LHFPL2: variants seen among roughly 807,000 people sequenced by gnomAD.
LHFPL2 encodes the protein LHFPL tetraspan subfamily member 2 protein.
In LHFPL2, 7 loss-of-function variants were observed where a neutral mutation model predicts 17.5. That is an observed-to-expected ratio of 0.40 (90% CI 0.23 to 0.75). The LOEUF (loss-of-function observed/expected upper bound fraction) is 0.75. Among genes scored for constraint, LHFPL2 ranks in the 30% least tolerant of loss-of-function variants. The pLI is 0.37. For synonymous variants in LHFPL2, 134 were observed against 116.2 expected, an observed-to-expected ratio of 1.15 and a Z score of -0.99; for missense variants, 241 against 294.8, an observed-to-expected ratio of 0.82 and a Z score of 1.34.
rs1309668089 is a variant in LHFPL2 at position 78,509,943 on chromosome 5, C to T, written c.271G>A (p.Glu91Lys). The change falls in exon 4 of 5, where the codon GAG becomes AAG. Residue 91 changes from glutamate to lysine, a missense_variant. By Grantham distance (56) the Glu-to-Lys change is moderately conservative. Coordinates refer to ENST00000380345, the MANE Select transcript of LHFPL2 (RefSeq NM_005779.3). ...LCGPYAESFG[E>K]IASGFWQATA... ...GCCTGCCAGAAGCCGCTGGCGATCT[C>T]GCCGAAGCTCTCGGCGTAGGGCCCG... 2 of 1,613,682 alleles carry T rather than the reference C, an allele frequency of 1.2e-6. No individual in the cohort carries two copies.
At chr5:78,642,641 C>T (rs1745712646) in intron 1 of LHFPL2, among the ~76,000 whole-genome samples, 1 of 152,190 alleles carries the variant, frequency 6.6e-6, no homozygotes, top group Non-Finnish European at 1.5e-5. Context: ...CTTGCCACTA[C>T]CGTAAAAAGA....
intron 3 of LHFPL2, among the ~76,000 whole-genome samples, chr5:78,546,094 G>A (rs1053304163): frequency 2.0e-5 from 3 of 152,176 alleles, no homozygotes; most frequent in Admixed American, 6.5e-5. Context: ...GTGACCGTCT[G>A]TGAGCCATTA....
At chr5:78,553,994 C>T (rs765629380) in intron 3 of LHFPL2, among the ~76,000 whole-genome samples, 1 of 152,218 alleles carries the variant, frequency 6.6e-6, no homozygotes, top group Non-Finnish European at 1.5e-5. Context: ...ATTCTCCCTG[C>T]GTTCCCCATT....
intron 3 of LHFPL2, among the ~76,000 whole-genome samples, chr5:78,520,420 A>T (rs1323216914): frequency 2.0e-5 from 3 of 152,196 alleles, no homozygotes; most frequent in African/African-American, 7.2e-5. Flanking sequence ...GGACTTGCAG[A>T]TCACCACTGT....
Position 78,648,482 on chromosome 5 carries a change from C to G in LHFPL2, c.-350+17G>C. 1 of 151,806 alleles carries G rather than the reference C, an allele frequency of 6.6e-6. No homozygotes were observed. The highest frequency in any genetic ancestry group is 2.4e-5 in the African/African-American group (1 of 41,438). 9.4% of individuals were successfully genotyped at this position (151,806 alleles called of 1,614,324 possible). On this transcript the variant is annotated intron_variant, in intron 1 of 4. Transcript: ENST00000380345. The surrounding 1 kb of genome is among the most constrained non-coding windows in gnomAD (Gnocchi z 5.4). ...TCCCCTCCCGCAGCGCGCGCGGGCC[C>G]GACGCCTGCCACTCACCCGGCCCCA... is the stretch of plus-strand genomic sequence containing the variant.
chr5:78,616,379 G>T (rs1045424346), intron 2 of LHFPL2, among the ~76,000 whole-genome samples: 11 of 151,932 alleles, frequency 7.2e-5, no homozygotes, highest in Admixed American at 7.2e-4. Flanking sequence ...CAGCCGCCTC[G>T]CCCTCCCAAA....
intron 2 of LHFPL2, among the ~76,000 whole-genome samples, chr5:78,589,503 T>C (rs1201591295): frequency 6.6e-6 from 1 of 151,746 alleles, no homozygotes; most frequent in Non-Finnish European, 1.5e-5. Flanking sequence ...ATCTAATTTA[T>C]ATAGGAAGTG....
chr5:78,590,155 A>G (rs917325517), intron 2 of LHFPL2: 5 of 152,240 alleles, frequency 3.3e-5, no homozygotes, highest in Admixed American at 2.6e-4. Context: ...CTCGTTCCTC[A>G]TGATAGCTCT....
At chr5:78,580,614 A>G (rs1210728717) in intron 2 of LHFPL2, among the ~76,000 whole-genome samples, 2 of 126,824 alleles carry the variant, frequency 1.6e-5, no homozygotes, top group Non-Finnish European at 3.8e-5. Context: ...TCCTTTCCCC[A>G]TTGCTTGTTT....
chr5:78,622,894 T>C (rs1328505306), intron 2 of LHFPL2, among the ~76,000 whole-genome samples: 1 of 152,140 alleles, frequency 6.6e-6, no homozygotes. Context: ...GAGGAAGAAC[T>C]TGGAGACCCT....
At chr5:78,561,553 C>G (rs1756726591) in intron 3 of LHFPL2, among the ~76,000 whole-genome samples, 1 of 152,186 alleles carries the variant, frequency 6.6e-6, no homozygotes, top group African/African-American at 2.4e-5. Context: ...GATCATCTTC[C>G]CTGGTCCAAA....
chr5:78,490,044 T>C (rs1754386401), intron 4 of LHFPL2, among the ~76,000 whole-genome samples: 1 of 152,220 alleles, frequency 6.6e-6, no homozygotes, highest in Non-Finnish European at 1.5e-5. Context: ...TGTTTCTGTA[T>C]TTATATACAC....
chr5:78,597,660 G>A (rs771437402), intron 2 of LHFPL2, among the ~76,000 whole-genome samples: 13 of 152,152 alleles, frequency 8.5e-5, no homozygotes, highest in African/African-American at 1.2e-4. Flanking sequence ...CAGAACAAAA[G>A]AAAAGTTGGG....
At chr5:78,534,861 G>A (rs1321273264) in intron 3 of LHFPL2, among the ~76,000 whole-genome samples, 1 of 152,238 alleles carries the variant, frequency 6.6e-6, no homozygotes, top group Non-Finnish European at 1.5e-5. Flanking sequence ...AGCGGGTAGA[G>A]GCAGGGGCAA....
chr5:78,486,586 TAA>T lies in LHFPL2; in HGVS notation c.*2309_*2310del, dbSNP rs1754250379. The T allele has an allele frequency of 1.3e-5, 2 of 152,292 alleles. No homozygotes were observed. Among genetic ancestry groups the T allele is most frequent in the Non-Finnish European group, 2.9e-5 (2 of 68,050 alleles). 9.4% of individuals were successfully genotyped at this position (152,292 alleles called of 1,614,324 possible). On this transcript the variant is annotated 3_prime_UTR_variant, in exon 5 of 5. Transcript: ENST00000380345. ...CCAACATTACCTTTTTACTATTTAC[TAA>T]GTCAGTGTTTAGGTAGTTTTTAGTG...
At chr5:78,567,664 T>A (rs1009666973) in intron 2 of LHFPL2, among the ~76,000 whole-genome samples, 1 of 152,118 alleles carries the variant, frequency 6.6e-6, no homozygotes, top group Non-Finnish European at 1.5e-5. Context: ...ATTATCCCAT[T>A]TTAAGGATGA....
intron 1 of LHFPL2, among the ~76,000 whole-genome samples, chr5:78,647,290 C>T (rs1303557288): frequency 6.6e-6 from 1 of 152,184 alleles, no homozygotes; most frequent in Non-Finnish European, 1.5e-5. Context: ...AGGAAAGAAT[C>T]AGGAATACCA....
At position 78,537,674 on chromosome 5, in the gene LHFPL2, A is replaced by G. The variant is rs533449479; in HGVS notation, c.-186+27139T>C. The stretch of plus-strand genomic sequence containing the variant: ...GGCCACATGGAAGTAACAGAACACT[A>G]ACATGTGCAAGACATATTTTTCACC... On this transcript the variant is annotated intron_variant, in intron 3 of 4. Coordinates refer to ENST00000380345, the MANE Select transcript of LHFPL2 (RefSeq NM_005779.3). Among the ~76,000 whole-genome samples, 6 of 152,322 alleles carry G rather than the reference A, an allele frequency of 3.9e-5. No individual in the cohort carries two copies. The South Asian group carries it at 1.0e-3, about 26-fold the overall frequency.
intron 2 of LHFPL2, among the ~76,000 whole-genome samples, chr5:78,620,525 G>T (rs1035856): frequency 6.6e-6 from 1 of 152,062 alleles, no homozygotes; most frequent in Non-Finnish European, 1.5e-5. Flanking sequence ...TCAGTCTCAC[G>T]CCAAGGCAAT....
Sources: gnomAD v4.1 joint callset for allele counts (sites outside exome capture counted in the v4.1 genomes callset) on GRCh38, gnomAD v4.1.1 for gene constraint, Gnocchi (gnomAD v3.1) non-coding constraint, MANE v1.5 for transcripts, NCBI Gene and HGNC (gene_info 2026-07-23, HGNC 2026-07-21) for gene names.